The following CCDC73 variants were observed in gnomAD, a reference collection of about 807,000 sequenced individuals.
The protein encoded by CCDC73 is coiled-coil domain containing 73, also known as coiled-coil domain-containing protein 73.
A neutral mutation model predicts 116.5 loss-of-function variants in CCDC73; 95 were observed. The ratio of observed to expected loss-of-function variants is 0.82; its 90% CI spans 0.69 to 0.97. The LOEUF is 0.97. Among genes scored for constraint, CCDC73 ranks in the 50% least tolerant of loss-of-function variants. CCDC73 has a pLI of 0.00. For missense variants in CCDC73, 1,066 were observed against 1,206.8 expected (o/e 0.88, Z 1.73); for synonymous variants, 398 against 401.3 (o/e 0.99, Z 0.10).
At chr11:32,708,277 A>G (rs922311057) in intron 3 of CCDC73, among the ~76,000 whole-genome samples, 1 of 152,148 alleles carries the variant, frequency 6.6e-6, no homozygotes, top group African/African-American at 2.4e-5. Context: ...CTATTTTTAT[A>G]CCAGTATCAT....
intron 2 of CCDC73, among the ~76,000 whole-genome samples, chr11:32,744,201 A>AGATT (rs1373003276): frequency 6.6e-6 from 1 of 152,072 alleles, no homozygotes; most frequent in Non-Finnish European, 1.5e-5. Context: ...TTTATGTGAT[A>AGATT]GATTACATTT....
At chr11:32,697,793 A>C (rs1384691932) in intron 6 of CCDC73, among the ~76,000 whole-genome samples, 2 of 151,404 alleles carry the variant, frequency 1.3e-5, no homozygotes, top group African/African-American at 4.9e-5. Context: ...ATGACACTGA[A>C]GTTTTTTTTG....
At chr11:32,686,209 CAA>C (rs34582756) in intron 6 of CCDC73, among the ~76,000 whole-genome samples, 13 of 56,856 alleles carry the variant, frequency 2.3e-4, no homozygotes, top group African/African-American at 8.6e-4. Flanking sequence ...GAGGGAAAGC[CAA>C]AAAAAAAAAA....
chr11:32,765,280 A>G (rs1389744121), intron 1 of CCDC73, among the ~76,000 whole-genome samples: 1 of 152,240 alleles, frequency 6.6e-6, no homozygotes, highest in Non-Finnish European at 1.5e-5. Context: ...AGACATCTAC[A>G]GAACTCTCCA....
chr11:32,786,991 G>A (rs1850635166), intron 1 of CCDC73, among the ~76,000 whole-genome samples: 1 of 152,138 alleles, frequency 6.6e-6, no homozygotes, highest in Admixed American at 6.6e-5. Flanking sequence ...GGATAAATGA[G>A]CCTGTAAGAT....
At chr11:32,766,538 T>C (rs975799795) in intron 1 of CCDC73, among the ~76,000 whole-genome samples, 9 of 152,332 alleles carry the variant, frequency 5.9e-5, no homozygotes, top group African/African-American at 1.9e-4. Context: ...GCAGATGACA[T>C]GATTGTATAT....
intron 2 of CCDC73, among the ~76,000 whole-genome samples, chr11:32,755,301 T>G (rs1850322742): frequency 7.0e-6 from 1 of 143,036 alleles, no homozygotes. Context: ...TTTGGGAGGC[T>G]GAGGTGGGTG....
intron 9 of CCDC73, among the ~76,000 whole-genome samples, chr11:32,655,515 T>C (rs1018909739): frequency 6.6e-6 from 1 of 152,166 alleles, no homozygotes; most frequent in African/African-American, 2.4e-5. Flanking sequence ...AGGTTCTACA[T>C]GCACAAAGCC....
chr11:32,712,230 T>C (rs1590608116), intron 3 of CCDC73, among the ~76,000 whole-genome samples: 1 of 151,994 alleles, frequency 6.6e-6, no homozygotes, highest in East Asian at 1.9e-4. Context: ...TTATACAAGT[T>C]GAGAGTAGAA....
At chr11:32,658,941 G>C (rs1172062062) in intron 9 of CCDC73, among the ~76,000 whole-genome samples, 1 of 152,128 alleles carries the variant, frequency 6.6e-6, no homozygotes, top group Non-Finnish European at 1.5e-5. Flanking sequence ...AATAGAAAGT[G>C]TGCTTCACTG....
At chr11:32,662,338 C>T (rs902734350) in intron 9 of CCDC73, among the ~76,000 whole-genome samples, 14 of 152,306 alleles carry the variant, frequency 9.2e-5, no homozygotes, top group Middle Eastern at 6.8e-3. Flanking sequence ...ACATACTCTC[C>T]AGCTCCTGTT....
chr11:32,711,918 T>C (rs1849903671), intron 3 of CCDC73, among the ~76,000 whole-genome samples: 1 of 152,126 alleles, frequency 6.6e-6, no homozygotes, highest in Non-Finnish European at 1.5e-5. Context: ...ATTACAGTCT[T>C]CCCTTAGACC....
At chr11:32,717,029 C>T (rs1276559130) in intron 3 of CCDC73, among the ~76,000 whole-genome samples, 26 of 152,328 alleles carry the variant, frequency 1.7e-4, no homozygotes, top group Admixed American at 1.4e-3. Flanking sequence ...ACAGATAGGT[C>T]TGTTTCAGAC....
chr11:32,758,296 G>C (rs925838839), intron 2 of CCDC73: 1 of 485,510 alleles, frequency 2.1e-6, no homozygotes, highest in Non-Finnish European at 4.1e-6. Context: ...TATCATCATG[G>C]GCTTTCCTAC....
At chr11:32,660,252 A>C (rs1447897042) in intron 9 of CCDC73, among the ~76,000 whole-genome samples, 1 of 150,534 alleles carries the variant, frequency 6.6e-6, no homozygotes, top group African/African-American at 2.5e-5. Flanking sequence ...AAAAAAAAAA[A>C]AAACAGGTTG....
Position 32,690,400 on chromosome 11 carries a change from C to T in CCDC73, c.391-6826G>A, listed in dbSNP as rs141748430. ...TACTCCCTGCCCCACACATACATAACCCCCAATTATTAACATCCCCCACCA... is the reference window on the plus strand; with the variant it reads ...TACTCCCTGCCCCACACATACATAATCCCCAATTATTAACATCCCCCACCA... On this transcript the variant is annotated intron_variant, in intron 6 of 17. Transcript: ENST00000335185. Among the ~76,000 whole-genome samples, 36 of 152,188 alleles carry T rather than the reference C, an allele frequency of 2.4e-4. 1 individual carries two copies. In the East Asian group the frequency reaches 6.6e-3, roughly 28 times the overall value.
intron 14 of CCDC73, among the ~76,000 whole-genome samples, chr11:32,629,149 T>A (rs1855604609): frequency 6.6e-6 from 1 of 151,984 alleles, no homozygotes; most frequent in Admixed American, 6.6e-5. Flanking sequence ...TGAAAAAATA[T>A]GCAGTAGATC....
chr11:32,663,734 G>A (rs1855952708), intron 9 of CCDC73, among the ~76,000 whole-genome samples: 1 of 152,208 alleles, frequency 6.6e-6, no homozygotes, highest in Non-Finnish European at 1.5e-5. Flanking sequence ...GGAGTGGTGA[G>A]ATAGGGCATC....
intron 12 of CCDC73, among the ~76,000 whole-genome samples, chr11:32,644,026 CA>C (rs1297067735): frequency 5.9e-5 from 9 of 151,694 alleles, no homozygotes; most frequent in Non-Finnish European, 1.0e-4. Context: ...ATTTTTTGGT[CA>C]AAAACTGAGA....
Sources: allele counts gnomAD v4.1 joint callset (sites outside exome capture counted in the v4.1 genomes callset), GRCh38; gene constraint gnomAD v4.1.1; transcripts MANE v1.5; gene names NCBI Gene and HGNC (gene_info 2026-07-23, HGNC 2026-07-21).